ARFIP1: variants seen among roughly 807,000 people sequenced by gnomAD.
ARFIP1 encodes arfaptin-1.
Under a neutral mutation model 42.5 loss-of-function variants are expected in ARFIP1, and 24 were observed. The observed-to-expected ratio is 0.57, with a 90% CI of 0.41 to 0.80. The LOEUF (loss-of-function observed/expected upper bound fraction) is 0.80. Among genes scored for constraint, ARFIP1 ranks in the 30% least tolerant of loss-of-function variants. ARFIP1 has a pLI of 0.00. For synonymous variants in ARFIP1, 141 were observed against 153.7 expected (o/e 0.92, Z 0.61); for missense variants, 354 against 434.0 (o/e 0.82, Z 1.64).
At chr4:152,851,971 A>T (rs767021239) in intron 2 of ARFIP1, among the ~76,000 whole-genome samples, 1 of 152,232 alleles carries the variant, frequency 6.6e-6, no homozygotes, top group Non-Finnish European at 1.5e-5. Context: ...TTTTAAAAGT[A>T]CCTAAAATGT....
chr4:152,787,329 T>G (rs537698048), intron 1 of ARFIP1, among the ~76,000 whole-genome samples: 1 of 152,242 alleles, frequency 6.6e-6, no homozygotes, highest in Non-Finnish European at 1.5e-5. Context: ...TCAAAACTTT[T>G]TTGAGCCCAA....
intron 2 of ARFIP1, among the ~76,000 whole-genome samples, chr4:152,835,006 A>G (rs548836529): frequency 6.6e-6 from 1 of 152,320 alleles, no homozygotes; most frequent in East Asian, 1.9e-4. Flanking sequence ...GGTCTGGCCC[A>G]CAAAACCATT....
At chr4:152,808,995 T>C (rs1214047102) in intron 1 of ARFIP1, among the ~76,000 whole-genome samples, 1 of 151,988 alleles carries the variant, frequency 6.6e-6, no homozygotes, top group Non-Finnish European at 1.5e-5. Flanking sequence ...GAGATTTTAG[T>C]GAGCAAAGAT....
rs536564896 is a variant in ARFIP1 at position 152,876,599 on chromosome 4, A to C, written c.411+4035A>C. Among the ~76,000 whole-genome samples the C allele has an allele frequency of 2.6e-5, 4 of 152,366 alleles. No homozygotes were observed. In the East Asian group the frequency reaches 5.8e-4, roughly 22 times the overall value. On this transcript the variant is annotated intron_variant, in intron 5 of 8. Coordinates refer to ENST00000353617, the MANE Select transcript of ARFIP1 (RefSeq NM_001025595.3). ...AAAGAAAAACCCATTTTGGGGGAGA[A>C]ATTCAGGCCAGCTGCAGAAATTTGC...
At chr4:152,787,624 G>A (rs1283821774) in intron 1 of ARFIP1, among the ~76,000 whole-genome samples, 1 of 152,236 alleles carries the variant, frequency 6.6e-6, no homozygotes, top group African/African-American at 2.4e-5. Flanking sequence ...CACATGAGTG[G>A]CTGAGATAGT....
rs950524187 is a variant in ARFIP1, at chr4:152,801,089, G to A, written c.-10+20863G>A. Among the ~76,000 whole-genome samples the A allele has an allele frequency of 2.0e-4, 30 of 152,192 alleles. 1 individual carries two copies. Among genetic ancestry groups the A allele is most frequent in the Admixed American group, 1.4e-3 (22 of 15,280 alleles). On this transcript the variant is annotated intron_variant, in intron 1 of 8. Coordinates refer to ENST00000353617, the MANE Select transcript of ARFIP1 (RefSeq NM_001025595.3). The stretch of plus-strand genomic sequence containing the variant: ...ATTTTGAGTGTCAAGCTGAGGAGTC[G>A]GCTTTTACATTGTAGACACATCGGG...
chr4:152,861,173 G>A (rs1733860986), intron 2 of ARFIP1, among the ~76,000 whole-genome samples: 1 of 152,174 alleles, frequency 6.6e-6, no homozygotes, highest in Non-Finnish European at 1.5e-5. Flanking sequence ...TAGTGATAGA[G>A]ATTCAGCATG....
At chr4:152,882,674 C>T (rs757984898) in intron 6 of ARFIP1, 49 bp from the exon 7 acceptor site, 3 of 1,562,924 alleles carry the variant, frequency 1.9e-6, no homozygotes, top group Non-Finnish European at 2.6e-6. Flanking sequence ...TTTTAAGTCA[C>T]TTTTACTGAT....
rs137970826 is a variant in ARFIP1 at position 152,910,108 on chromosome 4, T to G, written c.1011T>G (p.Ile337Met). 41 of 1,614,108 alleles carry G rather than the reference T, an allele frequency of 2.5e-5. No individual in the cohort carries two copies. The African/African-American group carries it at 4.8e-4, about 19-fold the overall frequency. ...AGCTGGTCCTTTTCCACAATGCCATTGCCGCTTACTTTGCTGGGAATCAGA... is the reference window on the plus strand; with the variant it reads ...AGCTGGTCCTTTTCCACAATGCCATGGCCGCTTACTTTGCTGGGAATCAGA... Reference protein sequence around the residue: ...HNQLVLFHNAIAAYFAGNQKQ... With the variant: ...HNQLVLFHNAMAAYFAGNQKQ... Residue 337 changes from isoleucine to methionine, a missense_variant, in exon 9 of 9, where the codon ATT becomes ATG. By Grantham distance (10) the Ile-to-Met change is conservative. Transcript: ENST00000353617.
chr4:152,854,847 G>T (rs1733293989), intron 2 of ARFIP1, among the ~76,000 whole-genome samples: 1 of 152,224 alleles, frequency 6.6e-6, no homozygotes, highest in Non-Finnish European at 1.5e-5. Context: ...TGTAGCAGTG[G>T]TGGGCTGAGC....
chr4:152,840,966 C>T (rs551332637), intron 2 of ARFIP1, among the ~76,000 whole-genome samples: 21 of 151,824 alleles, frequency 1.4e-4, no homozygotes, highest in South Asian at 4.2e-4. Flanking sequence ...GTGATCCACC[C>T]GCCTCGACCT....
intron 1 of ARFIP1, among the ~76,000 whole-genome samples, chr4:152,827,758 C>T (rs1730956043): frequency 6.6e-6 from 1 of 152,168 alleles, no homozygotes; most frequent in South Asian, 2.1e-4. Flanking sequence ...TCACAGCAGC[C>T]TCTACCTCCT....
chr4:152,884,595 A>G (rs1457666005), intron 7 of ARFIP1, among the ~76,000 whole-genome samples: 1 of 151,990 alleles, frequency 6.6e-6, no homozygotes, highest in African/African-American at 2.4e-5. Flanking sequence ...TAGTTTCTCT[A>G]CTTTGCAATT....
chr4:152,847,124 C>CTTTTTTTTTTTTTTTTTGTTT (rs1732607001), intron 2 of ARFIP1, among the ~76,000 whole-genome samples: 2 of 40,584 alleles, frequency 4.9e-5, no homozygotes, highest in Non-Finnish European at 9.0e-5. Flanking sequence ...TAGGTTTGTT[C>CTTTTTTTTTTTTTTTTTGTTT]TTTTTTTTTT....
intron 8 of ARFIP1, among the ~76,000 whole-genome samples, chr4:152,894,790 A>T (rs1466695079): frequency 6.6e-6 from 1 of 152,172 alleles, no homozygotes; most frequent in Admixed American, 6.5e-5. Flanking sequence ...TCCAGACTTA[A>T]TTTTGGCTGT....
chr4:152,837,717 A>G (rs758211404), intron 2 of ARFIP1, among the ~76,000 whole-genome samples: 6 of 151,996 alleles, frequency 3.9e-5, no homozygotes, highest in Non-Finnish European at 7.4e-5. Context: ...ATTTTGTCCC[A>G]CTCTGTGGGT....
At chr4:152,850,656 G>A (rs1053104240) in intron 2 of ARFIP1, 3 of 152,190 alleles carry the variant, frequency 2.0e-5, no homozygotes, top group South Asian at 2.1e-4. Flanking sequence ...CCAACTCAGT[G>A]AGAATCACCA....
At chr4:152,796,249 AC>A (rs1480354507) in intron 1 of ARFIP1, 1 of 1,024,564 alleles carries the variant, frequency 9.8e-7, no homozygotes, top group Non-Finnish European at 1.5e-6. Context: ...TCTTCTTTAC[AC>A]CAAGTATTGG....
chr4:152,844,873 C>T (rs1356777964), intron 2 of ARFIP1, among the ~76,000 whole-genome samples: 2 of 151,996 alleles, frequency 1.3e-5, no homozygotes, highest in Admixed American at 6.6e-5. Context: ...TCCTAAAATT[C>T]ATATAGAACC....
Sources: allele counts gnomAD v4.1 joint callset (sites outside exome capture counted in the v4.1 genomes callset), GRCh38; gene constraint gnomAD v4.1.1; transcripts MANE v1.5; gene names NCBI Gene and HGNC (gene_info 2026-07-23, HGNC 2026-07-21).